The following MBP variants were observed in gnomAD, a reference collection of about 807,000 sequenced individuals.
MBP encodes the protein Golli-MBP.
In MBP, 16 loss-of-function variants were observed where a neutral mutation model predicts 35.8. That is an observed-to-expected ratio of 0.45 (90% CI 0.30 to 0.68). The LOEUF is 0.68. MBP is among the 30% of genes least tolerant of loss of function. MBP has a pLI of 0.08. For synonymous variants in MBP, 143 were observed against 159.6 expected, an observed-to-expected ratio of 0.90 and a Z score of 0.78; for missense variants, 380 against 404.7, an observed-to-expected ratio of 0.94 and a Z score of 0.52.
At chr18:76,993,945 C>A (rs143362583) in intron 4 of MBP, among the ~76,000 whole-genome samples, 53 of 152,340 alleles carry the variant, frequency 3.5e-4, no homozygotes, top group Admixed American at 7.2e-4. Context: ...CCAACTCATT[C>A]TGTCTATGAA....
intron 2 of MBP, chr18:77,087,562 A>G (rs7242091): frequency 0.55 from 83,640 of 152,126 alleles, 23,947 homozygotes; most frequent in East Asian, 0.63. Flanking sequence ...ATTCCTGCAC[A>G]GGCAGAATCA....
chr18:77,088,048 G>A (rs1975335184), intron 2 of MBP, among the ~76,000 whole-genome samples: 1 of 152,112 alleles, frequency 6.6e-6, no homozygotes, highest in Non-Finnish European at 1.5e-5. Flanking sequence ...GGCCCTCCAG[G>A]CCACACCTAC....
chr18:77,084,483 A>G (rs898772848), intron 2 of MBP, among the ~76,000 whole-genome samples: 1 of 146,954 alleles, frequency 6.8e-6, no homozygotes, highest in Non-Finnish European at 1.5e-5. Flanking sequence ...TTCCGTGAGG[A>G]CAGTTGCCCA....
chr18:77,085,682 A>ATTTT, intron 2 of MBP, among the ~76,000 whole-genome samples: 1 of 108,148 alleles, frequency 9.2e-6, no homozygotes. Flanking sequence ...CAGTGCAATA[A>ATTTT]GTTTTTTTTT....
chr18:77,045,956 C>T (rs1210770524), intron 3 of MBP, among the ~76,000 whole-genome samples: 1 of 152,142 alleles, frequency 6.6e-6, no homozygotes, highest in Non-Finnish European at 1.5e-5. Flanking sequence ...AAGACTGTGG[C>T]CCAGCTCCAT....
intron 4 of MBP, chr18:77,014,774 T>C (rs940102614): frequency 2.0e-6 from 2 of 985,146 alleles, no homozygotes; most frequent in Non-Finnish European, 2.4e-6. Flanking sequence ...GCCTCACAGC[T>C]GCTCTGTGAT....
At chr18:77,122,620 GC>G (rs755470774) in intron 1 of MBP, among the ~76,000 whole-genome samples, 1 of 152,180 alleles carries the variant, frequency 6.6e-6, no homozygotes, top group Non-Finnish European at 1.5e-5. Flanking sequence ...TGGGCTCACT[GC>G]AACCTCCGCC....
intron 3 of MBP, among the ~76,000 whole-genome samples, chr18:77,034,340 G>C (rs963203936): frequency 6.6e-6 from 1 of 152,102 alleles, no homozygotes; most frequent in Non-Finnish European, 1.5e-5. Flanking sequence ...TGGGTGAGCT[G>C]GGGAGTGGGT....
intron 2 of MBP, among the ~76,000 whole-genome samples, chr18:77,094,622 CTG>C (rs200273784): frequency 0.01 from 1,537 of 152,340 alleles, 29 homozygotes; most frequent in African/African-American, 0.035. Flanking sequence ...ATAAATGTGA[CTG>C]TATTTTTCAG....
intron 3 of MBP, among the ~76,000 whole-genome samples, chr18:77,050,939 C>A (rs1402121484): frequency 6.6e-6 from 1 of 151,956 alleles, no homozygotes; most frequent in South Asian, 2.1e-4. Context: ...ATTATGGTGT[C>A]CAGTTCCAGT....
At chr18:77,061,500 A>T (rs1973978620) in intron 3 of MBP, among the ~76,000 whole-genome samples, 1 of 152,174 alleles carries the variant, frequency 6.6e-6, no homozygotes, top group Non-Finnish European at 1.5e-5. Context: ...AAACCAAGAC[A>T]CAAACAGAGG....
chr18:77,108,216 C>G (rs1976339833), intron 1 of MBP: 2 of 152,260 alleles, frequency 1.3e-5, no homozygotes, highest in South Asian at 4.1e-4. Flanking sequence ...AGCCTGGCAG[C>G]TGGTTTCTGT....
intron 1 of MBP, among the ~76,000 whole-genome samples, chr18:77,123,000 T>C (rs1016082901): frequency 6.6e-6 from 1 of 152,234 alleles, no homozygotes; most frequent in Non-Finnish European, 1.5e-5. Flanking sequence ...GGAAAATTAC[T>C]TGGGAACTTC....
chr18:77,008,973 C>T (rs974748656), intron 4 of MBP, among the ~76,000 whole-genome samples: 2 of 152,242 alleles, frequency 1.3e-5, no homozygotes, highest in African/African-American at 4.8e-5. Flanking sequence ...ACTTGGTGCG[C>T]CATTGAGCAT....
chr18:77,098,011 G>A (rs75923297), intron 2 of MBP, among the ~76,000 whole-genome samples: 2,376 of 152,126 alleles, frequency 0.016, 60 homozygotes, highest in African/African-American at 0.053. Context: ...AGCCCTCCCC[G>A]TAGCTTCTCT....
intron 2 of MBP, among the ~76,000 whole-genome samples, chr18:77,095,958 T>C (rs1975743092): frequency 6.6e-6 from 1 of 152,244 alleles, no homozygotes; most frequent in East Asian, 1.9e-4. Flanking sequence ...GATGATTGCA[T>C]AAAGCAGCTG....
Position 77,024,705 on chromosome 18 carries a change from G to A in MBP, c.140-7437C>T, listed in dbSNP as rs532235531. On this transcript the variant is annotated intron_variant, in intron 3 of 8. Transcript: ENST00000355994. ...CCTGCAGTCGCCAGGGTGGGGCTGA[G>A]GCCAGGGCCGGAGGTCTGGGCAGAA... Among the ~76,000 whole-genome samples the A allele has an allele frequency of 4.0e-3, 617 of 152,394 alleles. 6 individuals carry two copies. Among genetic ancestry groups the A allele is most frequent in the African/African-American group, 0.014 (564 of 41,596 alleles).
At chr18:77,083,469 G>A (rs941475277) in intron 2 of MBP, among the ~76,000 whole-genome samples, 9 of 152,128 alleles carry the variant, frequency 5.9e-5, no homozygotes, top group African/African-American at 2.2e-4. Context: ...CAGAATTCAG[G>A]ATTTGTTTTT....
intron 2 of MBP, among the ~76,000 whole-genome samples, chr18:77,076,449 G>T (rs1974654785): frequency 6.6e-6 from 1 of 152,222 alleles, no homozygotes; most frequent in Non-Finnish European, 1.5e-5. Flanking sequence ...CCTGCAGAGG[G>T]CTTGGGCCAT....
Sources: gnomAD v4.1 joint callset for allele counts (sites outside exome capture counted in the v4.1 genomes callset) on GRCh38, gnomAD v4.1.1 for gene constraint, MANE v1.5 for transcripts, NCBI Gene and HGNC (gene_info 2026-07-23, HGNC 2026-07-21) for gene names.